ATP23: variants seen among roughly 807,000 people sequenced by gnomAD.
ATP23 encodes the protein ATP23 metallopeptidase and ATP synthase assembly factor homolog, also known as mitochondrial inner membrane protease ATP23 homolog.
ATP23 carries 24 observed loss-of-function variants against 28.5 expected under a neutral mutation model. The ratio of observed to expected loss-of-function variants is 0.84; its 90% CI spans 0.61 to 1.18. The LOEUF (loss-of-function observed/expected upper bound fraction) is 1.18. Ranked by LOEUF, ATP23 falls within the 50% of genes most tolerant of loss-of-function variation. The pLI is 0.00. For synonymous variants in ATP23, 99 were observed against 108.6 expected (o/e 0.91, Z 0.55); for missense variants, 274 against 306.4 (o/e 0.89, Z 0.79).
intron 1 of ATP23, among the ~76,000 whole-genome samples, chr12:57,943,731 A>C (rs1415591606): frequency 1.3e-5 from 2 of 151,998 alleles, no homozygotes; most frequent in African/African-American, 4.8e-5. Context: ...GCATATCAGG[A>C]GCTGAGCTGA....
rs1460128061 is a variant in ATP23, at chr12:57,951,912, T to A, written c.453+17T>A. ...TGCTCAGAGGTGAGTTTTATTGTAT[T>A]TTTCTCCAGAATACTCTATGCTTGA... On this transcript the variant is annotated intron_variant, in intron 4 of 5. Coordinates refer to ENST00000300145, the MANE Select transcript of ATP23 (RefSeq NM_033276.4). The A allele has an allele frequency of 7.4e-6, 12 of 1,613,748 alleles. No individual in the cohort carries two copies. The South Asian group carries it at 1.2e-4, about 16-fold the overall frequency.
In ATP23 at chr12:57,941,611, G is replaced by C. The variant is rs929035172; in HGVS notation, c.-91G>C. On this transcript the variant is annotated 5_prime_UTR_variant, in exon 1 of 6. Transcript: ENST00000300145. ...TCTTCCCTGCGGAGGGAGGGCCTGG[G>C]CGGTCGCGTTGGCGGGAGGGAGGTT... is the stretch of plus-strand genomic sequence containing the variant. The C allele has an allele frequency of 2.7e-6, 4 of 1,506,250 alleles. No homozygotes were observed. The African/African-American group carries it at 5.5e-5, about 21-fold the overall frequency. The allele number at this position is 1,506,250 out of a possible 1,614,324, so 93.3% of individuals were successfully genotyped here.
At chr12:57,946,414 T>C (rs1956761092) in intron 2 of ATP23, among the ~76,000 whole-genome samples, 1 of 151,700 alleles carries the variant, frequency 6.6e-6, no homozygotes, top group African/African-American at 2.4e-5. Context: ...AACTCCAGCA[T>C]ACTTGCAATA....
intron 5 of ATP23, among the ~76,000 whole-genome samples, chr12:57,954,034 A>C (rs1273086977): frequency 1.3e-5 from 2 of 152,018 alleles, no homozygotes; most frequent in East Asian, 1.9e-4. Flanking sequence ...GTCTACTAAA[A>C]ATACAAAAAA....
intron 5 of ATP23, among the ~76,000 whole-genome samples, chr12:57,955,129 G>A (rs998673782): frequency 2.0e-5 from 3 of 151,802 alleles, no homozygotes; most frequent in African/African-American, 7.3e-5. Flanking sequence ...TGCTGGCATA[G>A]CTTATGGATA....
At position 57,958,197 on chromosome 12, in the gene ATP23, T is replaced by A. The variant is rs1254366374; in HGVS notation, c.*1307T>A. Among the ~76,000 whole-genome samples the A allele has an allele frequency of 6.6e-6, 1 of 152,082 alleles. No individual in the cohort carries two copies. The highest frequency in any genetic ancestry group is 1.9e-4 in the East Asian group (1 of 5,192). ...ACACAACTCCAGTGACCTGGGAATC[T>A]CACCCTCATCTCCCACAACAGTCAC... is the stretch of plus-strand genomic sequence containing the variant. On this transcript the variant is annotated 3_prime_UTR_variant, in exon 6 of 6. Coordinates refer to ENST00000300145, the MANE Select transcript of ATP23 (RefSeq NM_033276.4).
intron 1 of ATP23, among the ~76,000 whole-genome samples, chr12:57,944,174 T>C (rs1357158704): frequency 6.6e-6 from 1 of 152,096 alleles, no homozygotes; most frequent in Non-Finnish European, 1.5e-5. Context: ...CTACCTGGTA[T>C]TCACTCAATA....
intron 2 of ATP23, among the ~76,000 whole-genome samples, chr12:57,946,027 G>A (rs1012546713): frequency 1.4e-4 from 22 of 151,850 alleles, no homozygotes; most frequent in African/African-American, 2.7e-4. Flanking sequence ...CACCATGCCC[G>A]GCTAATTTTT....
At chr12:57,955,347 A>T (rs1956856908) in intron 5 of ATP23, among the ~76,000 whole-genome samples, 1 of 149,700 alleles carries the variant, frequency 6.7e-6, no homozygotes, top group Admixed American at 6.7e-5. Context: ...TCTTTGAAAG[A>T]GGAAGTTTTC....
intron 5 of ATP23, 128 bp downstream of exon 5, chr12:57,953,817 T>C (rs1956838707): frequency 4.9e-6 from 4 of 819,102 alleles, no homozygotes; most frequent in Non-Finnish European, 7.8e-6. Context: ...ATACAAAGTA[T>C]GTACCATTTA....
At chr12:57,941,980 T>C in intron 1 of ATP23, 92 bp downstream of exon 1, 1 of 1,485,722 alleles carries the variant, frequency 6.7e-7, no homozygotes, top group Non-Finnish European at 9.1e-7. Flanking sequence ...GGCCAGGGGC[T>C]TCAGGTTCAG....
chr12:57,942,352 G>A lies in ATP23; in HGVS notation c.187+464G>A, dbSNP rs1956713431. ...CTTGGAAGTGGTTCATGCATGAATG[G>A]GCTTCAGAGCGTAGAAATCCCTGAA... is the stretch of plus-strand genomic sequence containing the variant. On this transcript the variant is annotated intron_variant, in intron 1 of 5. Transcript: ENST00000300145. Among the ~76,000 whole-genome samples, 2 of 152,070 alleles carry A rather than the reference G, an allele frequency of 1.3e-5. 1 individual carries two copies. The highest frequency in any genetic ancestry group is 1.3e-4 in the Admixed American group (2 of 15,276).
chr12:57,944,558 A>G (rs1385011369), intron 1 of ATP23, among the ~76,000 whole-genome samples: 1 of 152,210 alleles, frequency 6.6e-6, no homozygotes, highest in Non-Finnish European at 1.5e-5. Context: ...CAGATACTCT[A>G]CAGACCTCTC....
At position 57,942,511 on chromosome 12, in the gene ATP23, C is replaced by T. The variant is rs1592271634; in HGVS notation, c.187+623C>T. Among the ~76,000 whole-genome samples the T allele has an allele frequency of 2.6e-5, 4 of 151,884 alleles. No individual in the cohort carries two copies. In the East Asian group the frequency reaches 7.7e-4, roughly 29 times the overall value. ...CGATCTTTGCTCACTGCAAGCTCCGCCTACTGGGTTCACGCCGTTCTCCTG... is the reference window on the plus strand; with the variant it reads ...CGATCTTTGCTCACTGCAAGCTCCGTCTACTGGGTTCACGCCGTTCTCCTG... On this transcript the variant is annotated intron_variant, in intron 1 of 5. Coordinates refer to ENST00000300145, the MANE Select transcript of ATP23 (RefSeq NM_033276.4).
intron 1 of ATP23, 121 bp from the exon 2 acceptor site, chr12:57,945,507 C>T (rs2140528751): frequency 1.3e-6 from 1 of 793,220 alleles, no homozygotes. Context: ...GCTGGGATTA[C>T]AGGCATGAGC....
At chr12:57,944,425 T>C (rs1956740005) in intron 1 of ATP23, among the ~76,000 whole-genome samples, 1 of 152,210 alleles carries the variant, frequency 6.6e-6, no homozygotes, top group African/African-American at 2.4e-5. Context: ...TCAGAGGCAT[T>C]TGGGCTCCTT....
intron 3 of ATP23, among the ~76,000 whole-genome samples, chr12:57,950,239 G>A (rs1956801327): frequency 6.6e-6 from 1 of 152,122 alleles, no homozygotes; most frequent in Admixed American, 6.5e-5. Flanking sequence ...TTAGGGTAAA[G>A]ACAAGGTCTT....
chr12:57,952,014 G>A (rs1379236339), intron 4 of ATP23, 119 bp downstream of exon 4: 14 of 1,281,932 alleles, frequency 1.1e-5, no homozygotes, highest in African/African-American at 3.0e-5. Context: ...CTTGAATTTC[G>A]GTTTATAACT....
At chr12:57,952,668 G>GC (rs1330718433) in intron 4 of ATP23, among the ~76,000 whole-genome samples, 1 of 152,026 alleles carries the variant, frequency 6.6e-6, no homozygotes, top group East Asian at 1.9e-4. Flanking sequence ...TTAATATGTA[G>GC]CCCCCTGCAT....
Sources: allele counts gnomAD v4.1 joint callset (sites outside exome capture counted in the v4.1 genomes callset), GRCh38; gene constraint gnomAD v4.1.1; transcripts MANE v1.5; gene names NCBI Gene and HGNC (gene_info 2026-07-23, HGNC 2026-07-21).